The following CRAMP1 variants were observed in gnomAD, a reference collection of about 807,000 sequenced individuals.
The protein encoded by CRAMP1 is protein cramped-like.
A neutral mutation model predicts 115.4 loss-of-function variants in CRAMP1; 50 were observed. That is an observed-to-expected ratio of 0.43 (90% CI 0.35 to 0.55). The LOEUF (loss-of-function observed/expected upper bound fraction) is 0.55, where lower values mean the gene tolerates loss of function less well. Among genes scored for constraint, CRAMP1 ranks in the 20% least tolerant of loss-of-function variants. CRAMP1 has a pLI of 0.01. For missense variants in CRAMP1, 1,679 were observed against 1,721.7 expected, an observed-to-expected ratio of 0.98 and a Z score of 0.44; for synonymous variants, 866 against 745.4, an observed-to-expected ratio of 1.16 and a Z score of -2.64.
chr16:1,653,160 A>T lies in CRAMP1; in HGVS notation c.1037+4A>T, dbSNP rs745724881. ...TTGCCCAGAACCCACGCCTCAGGTA[A>T]CATGGCCCTTGGCACGCAGAGGGGT... On this transcript the variant is annotated splice_donor_region_variant and intron_variant, in intron 8 of 20. Transcript: ENST00000397412. 1.2e-6 allele frequency: 2 copies of T among 1,607,486 alleles called. No individual in the cohort carries two copies. Among genetic ancestry groups the T allele is most frequent in the Non-Finnish European group, 1.7e-6 (2 of 1,177,010 alleles).
At chr16:1,615,039 G>A (rs897159014) in intron 2 of CRAMP1, 54 bp downstream of exon 2, 7 of 1,084,348 alleles carry the variant, frequency 6.5e-6, no homozygotes, top group Non-Finnish European at 8.2e-6. Flanking sequence ...GGTGTGCCGC[G>A]GGGGAGAGGA....
Position 1,614,316 on chromosome 16 carries a change from G to A in CRAMP1, c.-1-323G>A, listed in dbSNP as rs1411471189. 1.4e-5 allele frequency among the ~76,000 whole-genome samples: 2 copies of A among 145,394 alleles called. No individual in the cohort carries two copies. The highest frequency in any genetic ancestry group is 3.1e-5 in the Non-Finnish European group (2 of 65,360). On this transcript the variant is annotated intron_variant, in intron 1 of 20. Coordinates refer to ENST00000397412, the MANE Select transcript of CRAMP1 (RefSeq NM_020825.4). This position sits in a 1 kb window ranked among gnomAD's most constrained non-coding sequence, Gnocchi z 4.4. Reference sequence around the variant, plus strand: ...GCGCCGGGGCTCCCATAGACCCCGGGGCCGGGGCCGGGGCCGGGGCCGGGC... The same window carrying A: ...GCGCCGGGGCTCCCATAGACCCCGGAGCCGGGGCCGGGGCCGGGGCCGGGC...
intron 5 of CRAMP1, among the ~76,000 whole-genome samples, 189 bp from the exon 6 acceptor site, chr16:1,640,950 C>T (rs971644333): frequency 1.3e-5 from 2 of 152,122 alleles, no homozygotes; most frequent in African/African-American, 4.8e-5. Context: ...CGGGGGCGAC[C>T]AGGGCAGCTG....
At position 1,673,952 on chromosome 16, in the gene CRAMP1, G is replaced by A. The variant is rs762450355; in HGVS notation, c.3717G>A (p.Leu1239=). The A allele has an allele frequency of 3.7e-6, 6 of 1,613,522 alleles. No homozygotes were observed. Among genetic ancestry groups the A allele is most frequent in the Non-Finnish European group, 5.1e-6 (6 of 1,179,890 alleles). Residue 1239 remains leucine, a synonymous_variant, in exon 21 of 21, where the codon CTG becomes CTA. Transcript: ENST00000397412. ...ATTACATTTCTCGGTTCAATGACCT[G>A]GCCCAAGAGCTGTCCATCGCTGAGC... The part of the protein sequence containing the change: ...SIDYISRFND[L]AQELSIAEPG...
Position 1,655,222 on chromosome 16 carries a change from G to A in CRAMP1, c.1041G>A (p.Met347Ile). 4 of 1,613,754 alleles carry A rather than the reference G, an allele frequency of 2.5e-6. No individual in the cohort carries two copies. The highest frequency in any genetic ancestry group is 3.4e-6 in the Non-Finnish European group (4 of 1,179,618). The change falls in exon 9 of 21, where the codon ATG becomes ATA. Residue 347 changes from methionine (M) to isoleucine (I), a missense_variant. Met to Ile is a conservative substitution (Grantham distance 10). Around this residue, in one of 8 missense-constraint regions of CRAMP1, gnomAD observed 191 missense variants for 236.2 expected, o/e 0.81. Transcript: ENST00000397412. The part of the protein sequence containing the change: ...QSLAQNPRLR[M>I]IVELHRKVSS... Reference sequence around the variant, plus strand: ...CTCCTGTCTGTCGTCTCCGTAGGATGATCGTGGAGCTACATCGAAAGGTCT... The same window carrying A: ...CTCCTGTCTGTCGTCTCCGTAGGATAATCGTGGAGCTACATCGAAAGGTCT...
At chr16:1,658,773 A>G (rs2036798210) in intron 10 of CRAMP1, among the ~76,000 whole-genome samples, 3 of 152,178 alleles carry the variant, frequency 2.0e-5, no homozygotes, top group Admixed American at 2.0e-4. Flanking sequence ...AGCCTGTAGT[A>G]TGGGGCTAGG....
intron 4 of CRAMP1, among the ~76,000 whole-genome samples, chr16:1,637,066 G>A (rs954366027): frequency 1.3e-5 from 2 of 152,306 alleles, no homozygotes; most frequent in South Asian, 4.1e-4. Flanking sequence ...GTTGAGACAG[G>A]TAGATCATTT....
At position 1,614,839 on chromosome 16, in the gene CRAMP1, AG is replaced by A. The variant is rs2036403517; in HGVS notation, c.202del (p.Ala68ArgfsTer79). The A allele has an allele frequency of 7.8e-7, 1 of 1,276,644 alleles. No individual in the cohort carries two copies. Among genetic ancestry groups the A allele is most frequent in the Admixed American group, 4.1e-5 (1 of 24,494 alleles). 79.1% of individuals were successfully genotyped at this position (1,276,644 alleles called of 1,614,324 possible). The part of the protein sequence containing the change: ...DGPPAPPGAP[Q>X]APSPPQGSPQ... ...CCCCCCGCGCCCCCCGGCGCGCCGC[AG>A]GCGCCGTCCCCGCCGCAGGGCAGCC... On this transcript the variant is annotated frameshift_variant, in exon 2 of 21. Transcript: ENST00000397412. LOFTEE classifies it high-confidence loss of function. This position sits in a 1 kb window ranked among gnomAD's most constrained non-coding sequence, Gnocchi z 4.4.
intron 2 of CRAMP1, among the ~76,000 whole-genome samples, chr16:1,622,598 GT>G (rs2036474161): frequency 1.3e-5 from 2 of 152,214 alleles, no homozygotes; most frequent in South Asian, 4.2e-4. Flanking sequence ...TTTCTTGTCT[GT>G]TTTTTGGGGT....
At chr16:1,668,582 G>A (rs888573632) in intron 18 of CRAMP1, among the ~76,000 whole-genome samples, 1 of 152,242 alleles carries the variant, frequency 6.6e-6, no homozygotes, top group African/African-American at 2.4e-5. Context: ...CTGGGACAAA[G>A]CTCCTGGGGG....
At chr16:1,667,196 C>A in intron 16 of CRAMP1, 139 bp from the exon 17 acceptor site, 2 of 670,856 alleles carry the variant, frequency 3.0e-6, no homozygotes, top group Non-Finnish European at 5.4e-6. Flanking sequence ...GACCTTAGAC[C>A]CCTGTCCATT....
rs1444685898 is a variant in CRAMP1 at position 1,656,252 on chromosome 16, G to A, written c.1495G>A (p.Ala499Thr). ...SSPESAPGEG[A>T]ALSLSSPDAP... ...CCCCGAAAGCGCCCCCGGGGAGGGG[G>A]CTGCCCTAAGCTTGAGCAGCCCGGA... is the stretch of plus-strand genomic sequence containing the variant. Residue 499 changes from alanine (A) to threonine (T), a missense_variant, in exon 10 of 21, where the codon GCT (alanine) becomes ACT (threonine). Ala to Thr is a moderately conservative substitution (Grantham distance 58, BLOSUM62 0). Transcript: ENST00000397412. The surrounding 1 kb of genome is among the most constrained non-coding windows in gnomAD (Gnocchi z 5.6). 1.2e-6 allele frequency: 2 copies of A among 1,610,168 alleles called. No homozygotes were observed. The highest frequency in any genetic ancestry group is 1.7e-4 in the Middle Eastern group (1 of 6,038).
At chr16:1,662,731 C>G in intron 12 of CRAMP1, 30 bp from the exon 13 acceptor site, 1 of 1,613,814 alleles carries the variant, frequency 6.2e-7, no homozygotes, top group Non-Finnish European at 8.5e-7. Flanking sequence ...GAGAGTGCAC[C>G]TTCAGGTGCC....
At chr16:1,633,736 C>T (rs994735553) in intron 4 of CRAMP1, among the ~76,000 whole-genome samples, 1 of 152,184 alleles carries the variant, frequency 6.6e-6, no homozygotes, top group Non-Finnish European at 1.5e-5. Context: ...CGGCCTCTTC[C>T]TGTGTCGTCT....
intron 3 of CRAMP1, among the ~76,000 whole-genome samples, chr16:1,629,004 G>A (rs1182997979): frequency 6.6e-6 from 1 of 152,212 alleles, no homozygotes; most frequent in Non-Finnish European, 1.5e-5. Context: ...TTCACCTGTG[G>A]CAGGGCACTC....
intron 7 of CRAMP1, 147 bp downstream of exon 7, chr16:1,652,728 A>G: frequency 1.3e-6 from 1 of 752,206 alleles, no homozygotes; most frequent in Non-Finnish European, 2.2e-6. Context: ...CCACTCTTGA[A>G]CTTGAAATGC....
chr16:1,612,887 G>T (rs2036369875), intron 1 of CRAMP1, among the ~76,000 whole-genome samples: 1 of 152,118 alleles, frequency 6.6e-6, no homozygotes. Context: ...CTCGTTGGAG[G>T]TTCTCGCGAA....
chr16:1,632,215 G>A lies in CRAMP1; in HGVS notation c.544G>A (p.Gly182Arg), dbSNP rs1481117171. 6.4e-7 allele frequency: 1 copy of A among 1,556,264 alleles called. No homozygotes were observed. Among genetic ancestry groups the A allele is most frequent in the African/African-American group, 1.4e-5 (1 of 73,298 alleles). ...NTFFEGLYEH[G>R]KDFEAIQNNI... is the part of the protein sequence containing the mutation. ...TATCATGGAATTTATTTTCCAGCAT[G>A]GGAAAGACTTTGAAGCGATTCAGAA... Residue 182 changes from glycine (G) to arginine (R), a missense_variant, in exon 4 of 21, where the codon GGG becomes AGG. By Grantham distance (125) the Gly-to-Arg change is moderately radical. Around this residue, in one of 8 missense-constraint regions of CRAMP1, gnomAD observed 44 missense variants for 92.4 expected, o/e 0.48. Transcript: ENST00000397412.
At chr16:1,613,615 C>T (rs139983783) in intron 1 of CRAMP1, among the ~76,000 whole-genome samples, 16 of 152,274 alleles carry the variant, frequency 1.1e-4, no homozygotes, top group African/African-American at 2.9e-4. Context: ...TTTTGAGTGG[C>T]TCTGCTTTCT....
Sources: allele counts gnomAD v4.1 joint callset (sites outside exome capture counted in the v4.1 genomes callset), GRCh38; gene constraint gnomAD v4.1.1; regional missense constraint gnomAD v4.1.1; non-coding constraint Gnocchi (gnomAD v3.1); transcripts MANE v1.5; gene names NCBI Gene and HGNC (gene_info 2026-07-23, HGNC 2026-07-21).